The following TBC1D8 variants were observed in gnomAD, a reference collection of about 807,000 sequenced individuals.
TBC1D8 encodes the protein BUB2-like protein 1.
TBC1D8 carries 65 observed loss-of-function variants against 118.8 expected under a neutral mutation model. That is an observed-to-expected ratio of 0.55 (90% CI 0.45 to 0.67). The LOEUF is 0.67. TBC1D8 is among the 30% of genes least tolerant of loss of function. TBC1D8 has a pLI of 0.00. For missense variants in TBC1D8, 1,376 were observed against 1,471.2 expected (o/e 0.94, Z 1.06); for synonymous variants, 566 against 595.8 (o/e 0.95, Z 0.73).
intron 2 of TBC1D8, among the ~76,000 whole-genome samples, chr2:101,080,482 A>G (rs1675189550): frequency 6.6e-6 from 1 of 152,232 alleles, no homozygotes; most frequent in Non-Finnish European, 1.5e-5. Flanking sequence ...AAGACAAAGC[A>G]AACAGTGATG....
chr2:101,037,724 GAC>G lies in TBC1D8; in HGVS notation c.1276-18_1276-17del. ...CGAGTGAAGCCTGCACAGCAAGAGAGACAGAGACAGAGAGAGAGAGGAGAGGA... is the reference window on the plus strand; with the variant it reads ...CGAGTGAAGCCTGCACAGCAAGAGAGAGAGACAGAGAGAGAGAGGAGAGGA... On this transcript the variant is annotated splice_polypyrimidine_tract_variant and intron_variant, in intron 7 of 19. Transcript: ENST00000409318. 18 of 1,610,844 alleles carry G rather than the reference GAC, an allele frequency of 1.1e-5. No individual in the cohort carries two copies. The highest frequency in any genetic ancestry group is 1.3e-5 in the Non-Finnish European group (15 of 1,179,822).
chr2:101,089,417 G>T (rs564849306), intron 2 of TBC1D8, among the ~76,000 whole-genome samples: 2 of 145,530 alleles, frequency 1.4e-5, no homozygotes, highest in Non-Finnish European at 3.0e-5. Context: ...TTTATTACTC[G>T]TGTTTAAAAA....
chr2:101,040,538 C>T (rs550920599), intron 5 of TBC1D8, among the ~76,000 whole-genome samples, 153 bp from the exon 6 acceptor site: 182 of 152,340 alleles, frequency 1.2e-3, no homozygotes, highest in African/African-American at 4.0e-3. Context: ...GGTGCGAGCT[C>T]AGCTCACTGC....
At chr2:101,036,773 A>G (rs1250289178) in intron 8 of TBC1D8, among the ~76,000 whole-genome samples, 1 of 152,222 alleles carries the variant, frequency 6.6e-6, no homozygotes, top group East Asian at 1.9e-4. Flanking sequence ...AGGTATTTAC[A>G]TTTGCTTTTA....
chr2:101,059,813 C>A (rs1014259330), intron 2 of TBC1D8, among the ~76,000 whole-genome samples: 8 of 152,160 alleles, frequency 5.3e-5, no homozygotes, highest in Non-Finnish European at 1.0e-4. Context: ...GTGGCGGGCA[C>A]CTGTAGTCCC....
At chr2:101,019,073 T>A (rs760196056) in intron 17 of TBC1D8, 2 of 1,597,596 alleles carry the variant, frequency 1.3e-6, no homozygotes, top group Admixed American at 3.5e-5. Context: ...AGGCCTTGGG[T>A]CTCGGCTCTT....
chr2:101,062,553 T>A (rs1573962553), intron 2 of TBC1D8, among the ~76,000 whole-genome samples: 1 of 152,310 alleles, frequency 6.6e-6, no homozygotes, highest in East Asian at 1.9e-4. Flanking sequence ...TCCAAAATCA[T>A]ATCAAATGAA....
intron 1 of TBC1D8, among the ~76,000 whole-genome samples, chr2:101,094,286 C>T (rs772440390): frequency 1.1e-4 from 16 of 152,200 alleles, no homozygotes; most frequent in Non-Finnish European, 1.9e-4. Context: ...CACTTTAATA[C>T]AGAATCTTAG....
intron 1 of TBC1D8, among the ~76,000 whole-genome samples, chr2:101,130,358 C>T (rs759054616): frequency 4.6e-5 from 7 of 152,178 alleles, no homozygotes; most frequent in Non-Finnish European, 7.3e-5. Flanking sequence ...ACTGCAGGGT[C>T]GCAGAGGGCT....
intron 3 of TBC1D8, among the ~76,000 whole-genome samples, chr2:101,054,901 C>T (rs771362818): frequency 1.5e-4 from 22 of 150,392 alleles, no homozygotes; most frequent in African/African-American, 2.2e-4. Context: ...AGGCTGGTCT[C>T]GAACTCCCGA....
chr2:101,050,002 T>G (rs776394215), intron 5 of TBC1D8, among the ~76,000 whole-genome samples: 1 of 151,950 alleles, frequency 6.6e-6, no homozygotes, highest in African/African-American at 2.4e-5. Flanking sequence ...AATTTTTTTG[T>G]ATTTTTAGTA....
chr2:101,098,581 G>T (rs928325335), intron 1 of TBC1D8, among the ~76,000 whole-genome samples: 6 of 152,056 alleles, frequency 3.9e-5, no homozygotes, highest in Admixed American at 3.9e-4. Context: ...AGTGCCACAC[G>T]GCACTTATTC....
chr2:101,139,848 C>T (rs1040594908), intron 1 of TBC1D8, among the ~76,000 whole-genome samples: 4 of 152,136 alleles, frequency 2.6e-5, no homozygotes, highest in African/African-American at 9.7e-5. Flanking sequence ...TATTCTCTCT[C>T]GCATCCCCTG....
intron 9 of TBC1D8, among the ~76,000 whole-genome samples, chr2:101,035,774 C>T (rs916121675): frequency 3.9e-5 from 6 of 152,206 alleles, no homozygotes; most frequent in Admixed American, 6.5e-5. Flanking sequence ...AAAGAGTGGC[C>T]GTCACTGTGC....
At position 101,034,061 on chromosome 2, in the gene TBC1D8, G is replaced by A. The variant is rs192020994; in HGVS notation, c.1604-303C>T. ...TGCCTGTAAACCTAGCTACTCAGGA[G>A]GCTGAGGCACAAGAATCCCTTGAGC... On this transcript the variant is annotated intron_variant, in intron 9 of 19. Coordinates refer to ENST00000409318, the MANE Select transcript of TBC1D8 (RefSeq NM_001330348.2). Among the ~76,000 whole-genome samples, 664 of 152,258 alleles carry A rather than the reference G, an allele frequency of 4.4e-3. 3 individuals are homozygous for A. Among genetic ancestry groups the A allele is most frequent in the Middle Eastern group, 0.027 (8 of 294 alleles).
chr2:101,021,592 T>G (rs1680030702), intron 17 of TBC1D8, 89 bp downstream of exon 17: 1 of 953,746 alleles, frequency 1.0e-6, no homozygotes, highest in African/African-American at 1.7e-5. Context: ...AAGTGAACTT[T>G]AAAAAGAGAA....
At chr2:101,105,245 G>A (rs1677126233) in intron 1 of TBC1D8, among the ~76,000 whole-genome samples, 1 of 151,888 alleles carries the variant, frequency 6.6e-6, no homozygotes, top group Non-Finnish European at 1.5e-5. Context: ...GTCTGATAAA[G>A]GACTTATATC....
At chr2:101,088,401 C>A (rs577755910) in intron 2 of TBC1D8, among the ~76,000 whole-genome samples, 1 of 152,166 alleles carries the variant, frequency 6.6e-6, no homozygotes, top group South Asian at 2.1e-4. Flanking sequence ...AATTCTCCTG[C>A]CTCAGCCTCC....
At position 101,105,022 on chromosome 2, in the gene TBC1D8, T is replaced by C. The variant is rs377276423; in HGVS notation, c.128-14658A>G. On this transcript the variant is annotated intron_variant, in intron 1 of 19. Transcript: ENST00000409318. ...CCTGGGCAACAAGAGCAAAACTCTA[T>C]CTCAAAAAAAAAAAAAAAAAAACTT... 1.8e-3 allele frequency among the ~76,000 whole-genome samples: 156 copies of C among 88,932 alleles called. 1 individual carries two copies. The highest frequency in any genetic ancestry group is 5.2e-3 in the African/African-American group (131 of 25,032). 58.3% of individuals were successfully genotyped at this position (88,932 alleles called of 152,430 possible).
Sources: allele counts gnomAD v4.1 joint callset (sites outside exome capture counted in the v4.1 genomes callset), GRCh38; gene constraint gnomAD v4.1.1; transcripts MANE v1.5; gene names NCBI Gene and HGNC (gene_info 2026-07-23, HGNC 2026-07-21).